Variants in ITPR2 observed in about 807,000 individuals in gnomAD.
ITPR2 encodes the protein inositol 1,4,5-trisphosphate receptor type 2, also known as inositol 1,4,5-trisphosphate-gated calcium channel ITPR2.
Under a neutral mutation model 317.1 loss-of-function variants are expected in ITPR2, and 207 were observed. The observed-to-expected ratio is 0.65, with a 90% confidence interval of 0.58 to 0.73. ITPR2 has a LOEUF of 0.73. Among genes scored for constraint, ITPR2 ranks in the 30% least tolerant of loss-of-function variants. The probability of loss-of-function intolerance (pLI) is 0.00; values close to 1 mark genes in which losing one functional copy is unlikely to be tolerated. For missense variants in ITPR2, 2,613 were observed against 3,284.0 expected (o/e 0.80, Z 4.99); for synonymous variants, 1,156 against 1,149.1 (o/e 1.01, Z -0.12).
intron 37 of ITPR2, among the ~76,000 whole-genome samples, chr12:26,538,723 T>C (rs10842751): frequency 0.59 from 89,027 of 151,814 alleles, 29,169 homozygotes; most frequent in Non-Finnish European, 0.76. Context: ...ACTACAGGTG[T>C]GCACCACCAT....
chr12:26,393,111 A>G (rs1248022998), intron 54 of ITPR2, among the ~76,000 whole-genome samples: 1 of 152,204 alleles, frequency 6.6e-6, no homozygotes, highest in African/African-American at 2.4e-5. Context: ...AACTAGGTCC[A>G]TTGCCTGTCA....
intron 9 of ITPR2, among the ~76,000 whole-genome samples, chr12:26,706,400 C>A (rs781672848): frequency 1.2e-4 from 18 of 152,094 alleles, no homozygotes; most frequent in Non-Finnish European, 1.8e-4. Context: ...ACACTTCTGG[C>A]CCCATCGCTT....
intron 1 of ITPR2, among the ~76,000 whole-genome samples, chr12:26,797,380 C>T (rs529379489): frequency 6.6e-6 from 1 of 152,208 alleles, no homozygotes; most frequent in Non-Finnish European, 1.5e-5. Context: ...AAAGAAAATG[C>T]CACATAACTG....
intron 5 of ITPR2, among the ~76,000 whole-genome samples, chr12:26,718,444 T>C (rs1261793824): frequency 1.3e-5 from 2 of 151,930 alleles, no homozygotes; most frequent in South Asian, 2.1e-4. Flanking sequence ...TATTTTACTA[T>C]AGTTGTCTGT....
intron 2 of ITPR2, among the ~76,000 whole-genome samples, chr12:26,731,162 G>A (rs1056798805): frequency 3.9e-5 from 6 of 152,086 alleles, no homozygotes; most frequent in Non-Finnish European, 7.3e-5. Flanking sequence ...TCCTCCTAAA[G>A]ATGTCTTAAG....
chr12:26,612,076 T>C (rs1856239849), intron 26 of ITPR2, among the ~76,000 whole-genome samples: 1 of 152,168 alleles, frequency 6.6e-6, no homozygotes, highest in Non-Finnish European at 1.5e-5. Context: ...TTCTCCTTAT[T>C]TATAAGAGAT....
chr12:26,468,197 AG>A (rs1252497527), intron 45 of ITPR2, among the ~76,000 whole-genome samples: 1 of 147,272 alleles, frequency 6.8e-6, no homozygotes, highest in Non-Finnish European at 1.5e-5. Context: ...AAGGGTATGA[AG>A]GTAACACTAA....
At chr12:26,397,503 C>T (rs539538698) in intron 54 of ITPR2, among the ~76,000 whole-genome samples, 31 of 152,146 alleles carry the variant, frequency 2.0e-4, no homozygotes, top group Admixed American at 6.5e-4. Context: ...ACTTCTCTAC[C>T]ATTTCCTTCA....
chr12:26,750,741 G>T (rs1409535468), intron 2 of ITPR2, among the ~76,000 whole-genome samples: 1 of 152,156 alleles, frequency 6.6e-6, no homozygotes, highest in Non-Finnish European at 1.5e-5. Context: ...TCTAAGCAAA[G>T]TCCTGACGCA....
At chr12:26,402,998 C>T (rs1289605062) in intron 52 of ITPR2, among the ~76,000 whole-genome samples, 1 of 152,160 alleles carries the variant, frequency 6.6e-6, no homozygotes, top group Non-Finnish European at 1.5e-5. Flanking sequence ...AGCAGCTGAA[C>T]AAGGGCAGTG....
At chr12:26,712,110 G>C (rs1948654372) in intron 8 of ITPR2, among the ~76,000 whole-genome samples, 1 of 152,238 alleles carries the variant, frequency 6.6e-6, no homozygotes, top group Non-Finnish European at 1.5e-5. Flanking sequence ...GTGAGTCTCA[G>C]GTCCACCAAT....
intron 34 of ITPR2, among the ~76,000 whole-genome samples, chr12:26,575,897 C>G (rs1472014588): frequency 1.3e-5 from 2 of 152,116 alleles, no homozygotes; most frequent in Non-Finnish European, 2.9e-5. Flanking sequence ...TCAATGTATA[C>G]ATGTGATCAA....
rs745969775 is a variant in ITPR2 at position 26,711,153 on chromosome 12, A to T, written c.951+20T>A. The T allele has an allele frequency of 2.8e-5, 43 of 1,542,606 alleles. No individual in the cohort carries two copies. The highest frequency in any genetic ancestry group is 3.6e-5 in the Non-Finnish European group (40 of 1,115,162). ...AATTCAGAGTCAGAAACTTAATACC[A>T]CTTTATCCATTAGTCTTACCTCTGC... On this transcript the variant is annotated intron_variant, in intron 9 of 56. Coordinates refer to ENST00000381340, the MANE Select transcript of ITPR2 (RefSeq NM_002223.4).
chr12:26,411,009 C>T (rs1360544424), intron 52 of ITPR2, among the ~76,000 whole-genome samples: 1 of 152,196 alleles, frequency 6.6e-6, no homozygotes, highest in Non-Finnish European at 1.5e-5. Context: ...GTGTGAAAGG[C>T]TACACAGCTA....
intron 37 of ITPR2, among the ~76,000 whole-genome samples, chr12:26,532,858 G>A (rs2136963538): frequency 6.6e-6 from 1 of 152,012 alleles, no homozygotes; most frequent in African/African-American, 2.4e-5. Context: ...GCTAATTTTT[G>A]TATTTTTAGT....
intron 2 of ITPR2, among the ~76,000 whole-genome samples, chr12:26,777,481 G>A (rs183268753): frequency 3.9e-4 from 60 of 152,280 alleles, no homozygotes; most frequent in Middle Eastern, 3.4e-3. Flanking sequence ...GGGGCCAAGT[G>A]GTAACATTCA....
intron 23 of ITPR2, among the ~76,000 whole-genome samples, chr12:26,625,089 A>G (rs146460701): frequency 6.6e-6 from 1 of 152,338 alleles, no homozygotes; most frequent in African/African-American, 2.4e-5. Flanking sequence ...AGCCAGGCAC[A>G]GAAAGACAAA....
intron 43 of ITPR2, among the ~76,000 whole-genome samples, chr12:26,479,274 A>G (rs996814632): frequency 2.7e-4 from 41 of 151,864 alleles, no homozygotes; most frequent in African/African-American, 9.9e-4. Context: ...TTTAAATAAT[A>G]TATATTTTTT....
chr12:26,355,773 G>A (rs1051972615), intron 55 of ITPR2, among the ~76,000 whole-genome samples: 4 of 152,026 alleles, frequency 2.6e-5, no homozygotes, highest in African/African-American at 7.3e-5. Context: ...ACTGGTCTCT[G>A]AGCTTTCCAA....
Sources: allele counts gnomAD v4.1 joint callset (sites outside exome capture counted in the v4.1 genomes callset), GRCh38; gene constraint gnomAD v4.1.1; transcripts MANE v1.5; gene names NCBI Gene and HGNC (gene_info 2026-07-23, HGNC 2026-07-21).